NHP2: variants seen among roughly 807,000 people sequenced by gnomAD.
NHP2 encodes NHP2 ribonucleoprotein.
Under a neutral mutation model 16.7 loss-of-function variants are expected in NHP2, and 10 were observed. The ratio of observed to expected loss-of-function variants is 0.60; its 90% CI spans 0.37 to 1.01. The LOEUF is 1.01. NHP2 is among the 50% of genes least tolerant of loss of function. NHP2 has a pLI of 0.01. For missense variants in NHP2, 184 were observed against 198.3 expected, an observed-to-expected ratio of 0.93 and a Z score of 0.43; for synonymous variants, 87 against 78.9, an observed-to-expected ratio of 1.10 and a Z score of -0.54.
chr5:178,153,291 T>A, intron 2 of NHP2, 200 bp downstream of exon 2: 1 of 662,012 alleles, frequency 1.5e-6, no homozygotes, highest in Non-Finnish European at 2.8e-6. Context: ...CGCTTCACTT[T>A]GGAATTCACT....
intron 2 of NHP2, 81 bp downstream of exon 2, chr5:178,153,410 C>A: frequency 1.4e-6 from 2 of 1,474,924 alleles, no homozygotes; most frequent in South Asian, 2.3e-5. Flanking sequence ...CAGAGTTAAC[C>A]TTTTTACTGC....
intron 2 of NHP2, 120 bp downstream of exon 2, chr5:178,153,371 T>C: frequency 1.0e-6 from 1 of 977,318 alleles, no homozygotes; most frequent in Non-Finnish European, 1.6e-6. Context: ...TACCGACTGC[T>C]TGATTGGCTT....
chr5:178,151,224 G>C (rs1198920346), intron 2 of NHP2, among the ~76,000 whole-genome samples: 3 of 152,150 alleles, frequency 2.0e-5, no homozygotes, highest in Non-Finnish European at 4.4e-5. Context: ...GCTCTCTTTG[G>C]AGAGTCAAAA....
At chr5:178,151,719 CCTT>C (rs1248816836) in intron 2 of NHP2, among the ~76,000 whole-genome samples, 6 of 152,116 alleles carry the variant, frequency 3.9e-5, no homozygotes, top group African/African-American at 1.4e-4. Context: ...CCTCTCAGGA[CCTT>C]CTTCCTGGCT....
In NHP2 at chr5:178,153,632, C is replaced by CCCGGCCACGCCG. The variant is rs756770858; in HGVS notation, c.160+14_160+25dup. 8.1e-6 allele frequency: 13 copies of CCCGGCCACGCCG among 1,613,706 alleles called. No homozygotes were observed. In the South Asian group the frequency reaches 8.8e-5, roughly 11 times the overall value. ...GCACCCATCCCACCCGCGCACCCAT[C>CCCGGCCACGCCG]CCGGCCACGCCGCCGTCCGCCTCAC... On this transcript the variant is annotated intron_variant, in intron 1 of 3. Coordinates refer to ENST00000274606, the MANE Select transcript of NHP2 (RefSeq NM_017838.4).
intron 3 of NHP2, chr5:178,150,440 G>T: frequency 2.9e-6 from 1 of 348,478 alleles, no homozygotes; most frequent in Non-Finnish European, 5.7e-6. Context: ...GTGTGGTGGT[G>T]TATGATCATG....
chr5:178,151,057 G>A (rs1756266830), intron 2 of NHP2, 64 bp from the exon 3 acceptor site: 1 of 1,388,138 alleles, frequency 7.2e-7, no homozygotes, highest in South Asian at 1.2e-5. Context: ...TTTAAGTGCT[G>A]CCCTGGGCTG....
chr5:178,153,511 A>G lies in NHP2; in HGVS notation c.210T>C (p.Phe70=). The change falls in exon 2 of 4, where the codon TTT becomes TTC. Residue 70 remains phenylalanine (F), a synonymous_variant. Transcript: ENST00000274606. ...CTTACCCTTTTTCTCCTTTGTTGAC[A>G]AATTTCTGAACCTCTTTCACCCCGC... is the stretch of plus-strand genomic sequence containing the variant. ...IRRGVKEVQK[F]VNKGEKGIMV... 3 of 1,614,158 alleles carry G rather than the reference A, an allele frequency of 1.9e-6. No homozygotes were observed. The highest frequency in any genetic ancestry group is 2.2e-5 in the South Asian group (2 of 91,082).
rs1345881600 is a variant in NHP2, at chr5:178,149,623, G to A, written c.*90C>T. The A allele has an allele frequency of 6.4e-6, 10 of 1,561,972 alleles. No individual in the cohort carries two copies. Among genetic ancestry groups the A allele is most frequent in the South Asian group, 2.3e-5 (2 of 88,414 alleles). On this transcript the variant is annotated 3_prime_UTR_variant, in exon 4 of 4. Transcript: ENST00000274606. ...TGCCTTGGGGAACTGGGAAGATGCC[G>A]TCAGTGTGGGTGGGCAGGAGGACAG... is the stretch of plus-strand genomic sequence containing the variant.
intron 3 of NHP2, chr5:178,150,156 C>G (rs1448696289): frequency 3.5e-6 from 1 of 282,264 alleles, no homozygotes; most frequent in Non-Finnish European, 6.8e-6. Flanking sequence ...ATAAGGACAG[C>G]TACAGGTCCC....
At chr5:178,150,845 C>T in intron 3 of NHP2, 43 bp downstream of exon 3, 1 of 1,264,878 alleles carries the variant, frequency 7.9e-7, no homozygotes, top group Non-Finnish European at 1.2e-6. Context: ...CTATCCCAGA[C>T]ACCCCAGTGC....
chr5:178,151,036 CTTCT>C, intron 2 of NHP2, 43 bp from the exon 3 acceptor site: 1 of 1,545,700 alleles, frequency 6.5e-7, no homozygotes, highest in Non-Finnish European at 8.9e-7. Flanking sequence ...TTGCTCCTTC[CTTCT>C]TTCAGTTTTA....
At chr5:178,151,171 G>A (rs1036611686) in intron 2 of NHP2, among the ~76,000 whole-genome samples, 178 bp from the exon 3 acceptor site, 7 of 152,184 alleles carry the variant, frequency 4.6e-5, no homozygotes, top group South Asian at 2.1e-4. Context: ...TGTAGTGCTC[G>A]GACAGGTGAA....
At chr5:178,150,844 A>G in intron 3 of NHP2, 44 bp downstream of exon 3, 1 of 1,259,504 alleles carries the variant, frequency 7.9e-7, no homozygotes, top group Non-Finnish European at 1.2e-6. Flanking sequence ...ACTATCCCAG[A>G]CACCCCAGTG....
chr5:178,153,880 T>A lies in NHP2; in HGVS notation c.-63A>T. 2 of 1,541,180 alleles carry A rather than the reference T, an allele frequency of 1.3e-6. No homozygotes were observed. Among genetic ancestry groups the A allele is most frequent in the Non-Finnish European group, 1.8e-6 (2 of 1,136,414 alleles). On this transcript the variant is annotated 5_prime_UTR_variant, in exon 1 of 4. The change abolishes an upstream ATG in the 5' untranslated region. Coordinates refer to ENST00000274606, the MANE Select transcript of NHP2 (RefSeq NM_017838.4). ...CCCACGCGGTCCACAGCTTTAGGCA[T>A]CACTTCCAGGTCATCAGCTGCGCGA...
Position 178,153,652 on chromosome 5 carries a change from C to T in NHP2, c.160+6G>A, listed in dbSNP as rs529634242. 2 of 1,613,552 alleles carry T rather than the reference C, an allele frequency of 1.2e-6. No homozygotes were observed. Among genetic ancestry groups the T allele is most frequent in the Non-Finnish European group, 1.7e-6 (2 of 1,179,598 alleles). On this transcript the variant is annotated splice_donor_region_variant and intron_variant, in intron 1 of 3. Coordinates refer to ENST00000274606, the MANE Select transcript of NHP2 (RefSeq NM_017838.4). ...CCCATCCCGGCCACGCCGCCGTCCG[C>T]CTCACCTTTCTTGATGCATTTGTAG...
intron 2 of NHP2, chr5:178,153,250 G>A: frequency 1.7e-6 from 1 of 592,834 alleles, no homozygotes; most frequent in Non-Finnish European, 3.1e-6. Flanking sequence ...ATGAAGGTGG[G>A]TTTACTCTAA....
chr5:178,152,854 A>G (rs1178465668), intron 2 of NHP2, among the ~76,000 whole-genome samples: 3 of 152,246 alleles, frequency 2.0e-5, no homozygotes, highest in Non-Finnish European at 4.4e-5. Flanking sequence ...CGGGAGGCTG[A>G]GGCAGGAGGA....
intron 2 of NHP2, among the ~76,000 whole-genome samples, chr5:178,152,894 C>T (rs1756312694): frequency 6.6e-6 from 1 of 152,118 alleles, no homozygotes; most frequent in South Asian, 2.1e-4. Flanking sequence ...CAAGACCAGC[C>T]CGGGCAACAT....
Sources: gnomAD v4.1 joint callset for allele counts (sites outside exome capture counted in the v4.1 genomes callset) on GRCh38, gnomAD v4.1.1 for gene constraint, MANE v1.5 for transcripts, NCBI Gene and HGNC (gene_info 2026-07-23, HGNC 2026-07-21) for gene names.